JARID2: variants seen among roughly 807,000 people sequenced by gnomAD.
The protein encoded by JARID2 is jumonji and AT-rich interaction domain containing 2, also known as protein Jumonji.
Under a neutral mutation model 125.6 loss-of-function variants are expected in JARID2, and 21 were observed. The ratio of observed to expected loss-of-function variants is 0.17; its 90% CI spans 0.12 to 0.24. The LOEUF (loss-of-function observed/expected upper bound fraction) is 0.24. Among genes scored for constraint, JARID2 ranks in the 10% least tolerant of loss-of-function variants. The pLI is 1.00. For synonymous variants in JARID2, 736 were observed against 661.6 expected (o/e 1.11, Z -1.73); for missense variants, 1,303 against 1,639.6 (o/e 0.79, Z 3.55).
At chr6:15,276,835 A>G (rs1760540813) in intron 1 of JARID2, among the ~76,000 whole-genome samples, 2 of 152,142 alleles carry the variant, frequency 1.3e-5, no homozygotes, top group Non-Finnish European at 2.9e-5. Flanking sequence ...TTGAGTCATT[A>G]CATTGCTATG....
chr6:15,511,262 C>A (rs1255946422), intron 12 of JARID2, 34 bp from the exon 13 acceptor site: 2 of 1,474,650 alleles, frequency 1.4e-6, no homozygotes, highest in Admixed American at 1.7e-5. Flanking sequence ...CTTGTCAAGT[C>A]TCTGCTTGTC....
At chr6:15,412,617 T>TG (rs1765928050) in intron 3 of JARID2, among the ~76,000 whole-genome samples, 1 of 152,164 alleles carries the variant, frequency 6.6e-6, no homozygotes, top group Admixed American at 6.5e-5. Flanking sequence ...ATGCATTTCT[T>TG]GGGGTGTTGC....
At chr6:15,419,837 C>T (rs1057256594) in intron 3 of JARID2, among the ~76,000 whole-genome samples, 7 of 152,098 alleles carry the variant, frequency 4.6e-5, no homozygotes, top group African/African-American at 1.7e-4. Context: ...TACGATGTGC[C>T]TTGGCAGTTT....
At chr6:15,468,480 T>G (rs898342947) in intron 4 of JARID2, 62 bp from the exon 5 acceptor site, 89 of 1,429,606 alleles carry the variant, frequency 6.2e-5, no homozygotes, top group Non-Finnish European at 8.0e-5. Flanking sequence ...ATTGTGGTGT[T>G]CCTTCTGGAA....
At chr6:15,394,754 C>T (rs1765154954) in intron 2 of JARID2, among the ~76,000 whole-genome samples, 1 of 152,046 alleles carries the variant, frequency 6.6e-6, no homozygotes, top group African/African-American at 2.4e-5. Flanking sequence ...AGAGAATAGT[C>T]AGAAAAGGGA....
intron 2 of JARID2, among the ~76,000 whole-genome samples, chr6:15,392,527 T>C (rs1025075015): frequency 3.9e-5 from 6 of 152,096 alleles, no homozygotes; most frequent in African/African-American, 1.4e-4. Context: ...GCTGCAGACA[T>C]GTTGGTCAGC....
chr6:15,251,336 G>A (rs889372101), intron 1 of JARID2, among the ~76,000 whole-genome samples: 1 of 152,210 alleles, frequency 6.6e-6, no homozygotes, highest in African/African-American at 2.4e-5. Context: ...TTTTAAGCTA[G>A]TGGTTTGCCC....
At chr6:15,486,813 T>TTTTTTTTTTTTTTTTTTTA (rs1769889780) in intron 5 of JARID2, among the ~76,000 whole-genome samples, 1 of 147,302 alleles carries the variant, frequency 6.8e-6, no homozygotes, top group Non-Finnish European at 1.5e-5. Context: ...AGACTTTTTT[T>TTTTTTTTTTTTTTTTTTTA]TTTTTTTTTT....
intron 1 of JARID2, among the ~76,000 whole-genome samples, chr6:15,347,768 A>G (rs1352240535): frequency 1.3e-5 from 2 of 152,164 alleles, no homozygotes; most frequent in African/African-American, 4.8e-5. Context: ...CGCAAGCTGG[A>G]GTGCAGTGGC....
At chr6:15,269,446 T>C (rs1247278022) in intron 1 of JARID2, among the ~76,000 whole-genome samples, 2 of 152,110 alleles carry the variant, frequency 1.3e-5, no homozygotes, top group Non-Finnish European at 2.9e-5. Flanking sequence ...ACTGCATCCT[T>C]GAACTCTTGG....
intron 2 of JARID2, chr6:15,400,963 C>T (rs767589033): frequency 1.0e-5 from 13 of 1,289,332 alleles, no homozygotes; most frequent in Admixed American, 4.6e-5. Flanking sequence ...GGCTGCTCCA[C>T]GGGTCTGTCA....
At chr6:15,345,399 C>T (rs1408354264) in intron 1 of JARID2, among the ~76,000 whole-genome samples, 5 of 152,070 alleles carry the variant, frequency 3.3e-5, no homozygotes, top group Admixed American at 6.5e-5. Context: ...GCTAGAGAAC[C>T]GTTGTTAATT....
intron 3 of JARID2, among the ~76,000 whole-genome samples, chr6:15,419,979 T>A (rs1049430346): frequency 2.0e-5 from 3 of 152,262 alleles, no homozygotes; most frequent in Non-Finnish European, 4.4e-5. Flanking sequence ...CTAATTTTCA[T>A]ATATATTACT....
intron 1 of JARID2, among the ~76,000 whole-genome samples, chr6:15,289,017 C>A (rs918922281): frequency 6.6e-6 from 1 of 152,108 alleles, no homozygotes. Context: ...GTCCAAGCCA[C>A]GGAGGGAGGA....
intron 3 of JARID2, among the ~76,000 whole-genome samples, chr6:15,450,369 C>T (rs1767864795): frequency 6.6e-6 from 1 of 152,116 alleles, no homozygotes; most frequent in Non-Finnish European, 1.5e-5. Flanking sequence ...GGGGTTTCAC[C>T]ACCTTGGCCA....
intron 1 of JARID2, among the ~76,000 whole-genome samples, chr6:15,283,038 G>A (rs562566589): frequency 1.3e-5 from 2 of 151,724 alleles, no homozygotes; most frequent in South Asian, 2.1e-4. Context: ...GAGTGTAGTG[G>A]CGCGATCTTG....
chr6:15,469,578 C>G (rs1047316348), intron 5 of JARID2, among the ~76,000 whole-genome samples: 1 of 150,166 alleles, frequency 6.7e-6, no homozygotes, highest in Non-Finnish European at 1.5e-5. Flanking sequence ...GACTACAGGC[C>G]CCCACGTATT....
chr6:15,410,495 T>C, intron 3 of JARID2, 130 bp downstream of exon 3: 1 of 847,752 alleles, frequency 1.2e-6, no homozygotes, highest in Non-Finnish European at 1.8e-6. Context: ...GCCAGAATCA[T>C]GAGGTTTCGT....
At chr6:15,381,742 C>A (rs937928338) in intron 2 of JARID2, among the ~76,000 whole-genome samples, 2 of 152,108 alleles carry the variant, frequency 1.3e-5, no homozygotes, top group African/African-American at 2.4e-5. Context: ...ATGTGGGAGG[C>A]ATTGTGGGTA....
Sources: allele counts gnomAD v4.1 joint callset (sites outside exome capture counted in the v4.1 genomes callset), GRCh38; gene constraint gnomAD v4.1.1; transcripts MANE v1.5; gene names NCBI Gene and HGNC (gene_info 2026-07-23, HGNC 2026-07-21).